Variants in CDH3 observed in about 807,000 individuals in gnomAD.
CDH3 encodes the protein cadherin 3.
CDH3 carries 54 observed loss-of-function variants against 82.0 expected under a neutral mutation model. The observed-to-expected ratio is 0.66, with a 90% CI of 0.53 to 0.83. The LOEUF is 0.83. CDH3 is among the 40% of genes least tolerant of loss of function. The pLI is 0.00. For missense variants in CDH3, 1,054 were observed against 1,084.6 expected (o/e 0.97, Z 0.40); for synonymous variants, 446 against 437.9 (o/e 1.02, Z -0.23).
intron 1 of CDH3, chr16:68,722,302 G>C (rs1398816194): frequency 2.0e-5 from 3 of 152,214 alleles, no homozygotes; most frequent in Admixed American, 2.0e-4. Flanking sequence ...ATGAACGAGT[G>C]AGTGAGTGAG....
At chr16:68,732,051 G>GTTTT (rs71930035), downstream of CDH3, among the ~76,000 whole-genome samples, 3 of 143,780 alleles carry the variant, frequency 2.1e-5, no homozygotes, top group Non-Finnish European at 3.0e-5. Context: ...AAATAAAACT[G>GTTTT]TTTTTTTTTT....
Position 68,660,907 on chromosome 16 carries a change from C to T in CDH3, c.160+15157C>T, listed in dbSNP as rs144548023. Among the ~76,000 whole-genome samples the T allele has an allele frequency of 8.7e-3, 1,311 of 150,604 alleles. 18 individuals are homozygous for T. Among genetic ancestry groups the T allele is most frequent in the African/African-American group, 0.03 (1,240 of 40,902 alleles). On this transcript the variant is annotated intron_variant, in intron 2 of 15. Transcript: ENST00000264012. ...CCGGGAGGCAGAGCTTGCAGTGAGC[C>T]GAGATCCCGCCACTGCACCCCAGCA...
downstream of CDH3, among the ~76,000 whole-genome samples, chr16:68,702,882 G>A (rs766127968): frequency 6.6e-6 from 1 of 151,958 alleles, no homozygotes; most frequent in East Asian, 1.9e-4. Flanking sequence ...AAAAGTGGAG[G>A]CTTACTGGAA....
chr16:68,647,745 G>C (rs1488585944), intron 2 of CDH3, among the ~76,000 whole-genome samples: 2 of 151,986 alleles, frequency 1.3e-5, no homozygotes, highest in African/African-American at 2.4e-5. Flanking sequence ...TCTCCCTTTG[G>C]TCTTCAGCTG....
At chr16:68,651,094 T>G (rs777210350) in intron 2 of CDH3, 5 of 418,104 alleles carry the variant, frequency 1.2e-5, no homozygotes, top group Non-Finnish European at 2.4e-5. Flanking sequence ...TGGGCAGTCG[T>G]TGGTGCCCGA....
chr16:68,665,780 G>A (rs1370314066), intron 2 of CDH3, among the ~76,000 whole-genome samples: 2 of 152,066 alleles, frequency 1.3e-5, no homozygotes, highest in Admixed American at 6.6e-5. Flanking sequence ...CTCTGGGAGG[G>A]AAGACTCACC....
chr16:68,662,982 C>T (rs1274749571), intron 2 of CDH3, among the ~76,000 whole-genome samples: 1 of 142,952 alleles, frequency 7.0e-6, no homozygotes, highest in Non-Finnish European at 1.5e-5. Flanking sequence ...TATTCTCCTG[C>T]TTTAGCCTCC....
intron 2 of CDH3, among the ~76,000 whole-genome samples, chr16:68,658,786 C>T (rs933873084): frequency 6.6e-6 from 1 of 152,200 alleles, no homozygotes; most frequent in African/African-American, 2.4e-5. Context: ...CTGCATTCCT[C>T]AGCTGGGACT....
intron 2 of CDH3, among the ~76,000 whole-genome samples, chr16:68,668,975 A>G (rs1471228961): frequency 6.6e-6 from 1 of 152,164 alleles, no homozygotes; most frequent in African/African-American, 2.4e-5. Flanking sequence ...CATTTTCCAG[A>G]TGAGGAAACT....
At chr16:68,693,552 G>T (rs545636265) in intron 13 of CDH3, among the ~76,000 whole-genome samples, 2 of 152,278 alleles carry the variant, frequency 1.3e-5, no homozygotes, top group East Asian at 1.9e-4. Flanking sequence ...GACTTGCCAG[G>T]CCAGTCCAAG....
At chr16:68,719,502 C>CTTTTTTTTTT (rs71148939) in intron 1 of CDH3, among the ~76,000 whole-genome samples, 1 of 74,512 alleles carries the variant, frequency 1.3e-5, no homozygotes, top group Admixed American at 2.0e-4. Context: ...TGGAACTGTT[C>CTTTTTTTTTT]TTTTTTTTTT....
chr16:68,691,816 C>T lies in CDH3; in HGVS notation c.1892C>T (p.Thr631Met), dbSNP rs1961584241. The stretch of plus-strand genomic sequence containing the variant: ...GACCATGGCAACAAAGAGCAGCTGA[C>T]GGTGATCAGGGCCACTGTGTGCGAC... Reference protein sequence around the residue: ...LSDHGNKEQLTVIRATVCDCH... With the variant: ...LSDHGNKEQLMVIRATVCDCH... The change falls in exon 13 of 16, where the codon ACG (threonine) becomes ATG (methionine). Residue 631 changes from threonine to methionine, a missense_variant. Thr to Met is a moderately conservative substitution (Grantham distance 81, BLOSUM62 -1). Transcript: ENST00000264012. 4 of 1,614,140 alleles carry T rather than the reference C, an allele frequency of 2.5e-6. No individual in the cohort carries two copies. The highest frequency in any genetic ancestry group is 2.5e-6 in the Non-Finnish European group (3 of 1,179,990).
chr16:68,680,938 C>G (rs540962753), intron 7 of CDH3, 30 bp from the exon 8 acceptor site: 5 of 1,613,674 alleles, frequency 3.1e-6, no homozygotes, highest in Non-Finnish European at 4.2e-6. Flanking sequence ...ATTAAACTCA[C>G]AATGGGCTTC....
rs559014134 is a variant in CDH3, at chr16:68,663,629, C to G, written c.161-12756C>G. Among the ~76,000 whole-genome samples, 12 of 151,862 alleles carry G rather than the reference C, an allele frequency of 7.9e-5. No individual in the cohort carries two copies. The East Asian group carries it at 2.3e-3, about 29-fold the overall frequency. ...ATGGAGATTTTTGCACCCATTTATA[C>G]TAAAGATGATGTTGTATGCACTAAG... is the stretch of plus-strand genomic sequence containing the variant. On this transcript the variant is annotated intron_variant, in intron 2 of 15. Transcript: ENST00000264012.
At chr16:68,672,220 T>TA (rs1229452362) in intron 2 of CDH3, among the ~76,000 whole-genome samples, 351 of 139,226 alleles carry the variant, frequency 2.5e-3, no homozygotes, top group Middle Eastern at 0.015. Context: ...AAATAAAAAA[T>TA]AAAAAAAAAA....
chr16:68,669,835 G>A (rs1261300004), intron 2 of CDH3, among the ~76,000 whole-genome samples: 2 of 152,048 alleles, frequency 1.3e-5, no homozygotes, highest in South Asian at 2.1e-4. Flanking sequence ...ATTGAGAAAA[G>A]TGGCCAGGCA....
intron 2 of CDH3, among the ~76,000 whole-genome samples, chr16:68,648,173 G>C (rs1960131900): frequency 6.6e-6 from 1 of 152,164 alleles, no homozygotes; most frequent in African/African-American, 2.4e-5. Flanking sequence ...TGAAGGTGGA[G>C]AAACAGAGGC....
At chr16:68,673,419 G>A (rs1241390600) in intron 2 of CDH3, among the ~76,000 whole-genome samples, 1 of 151,334 alleles carries the variant, frequency 6.6e-6, no homozygotes, top group Non-Finnish European at 1.5e-5. Context: ...TACTCATTAG[G>A]CATTAGGTAG....
intron 12 of CDH3, 53 bp from the exon 13 acceptor site, chr16:68,691,667 C>T: frequency 7.8e-6 from 11 of 1,405,448 alleles, no homozygotes. Context: ...ATGGTGTACT[C>T]AGATCCCCGC....
Sources: gnomAD v4.1 joint callset for allele counts (sites outside exome capture counted in the v4.1 genomes callset) on GRCh38, gnomAD v4.1.1 for gene constraint, MANE v1.5 for transcripts, NCBI Gene and HGNC (gene_info 2026-07-23, HGNC 2026-07-21) for gene names.